GASK1A: variants seen among roughly 807,000 people sequenced by gnomAD.
GASK1A encodes the protein Golgi-associated kinase 1A.
In GASK1A, 40 loss-of-function variants were observed where a neutral mutation model predicts 41.2. The ratio of observed to expected loss-of-function variants is 0.97; its 90% CI spans 0.75 to 1.27. The LOEUF (loss-of-function observed/expected upper bound fraction) is 1.27. Ranked by LOEUF, GASK1A falls within the 50% of genes most tolerant of loss-of-function variation. GASK1A has a pLI of 0.00. For missense variants in GASK1A, 678 were observed against 745.1 expected (o/e 0.91, Z 1.05); for synonymous variants, 316 against 307.1 (o/e 1.03, Z -0.30).
At chr3:43,054,127 G>A in intron 3 of GASK1A, 1 of 268,320 alleles carries the variant, frequency 3.7e-6, no homozygotes. Context: ...GAAGCAATGT[G>A]CCGAGGCCAT....
chr3:43,054,699 A>G (rs1020075612), intron 3 of GASK1A, among the ~76,000 whole-genome samples: 7 of 152,232 alleles, frequency 4.6e-5, no homozygotes, highest in African/African-American at 1.4e-4. Context: ...GGGGACCAGA[A>G]GAGATGGCCT....
chr3:42,980,982 CAAATGTAGCAG>C (rs2089280284), intron 1 of GASK1A, among the ~76,000 whole-genome samples: 1 of 152,164 alleles, frequency 6.6e-6, no homozygotes, highest in African/African-American at 2.4e-5. Flanking sequence ...GCTTTAAAGG[CAAATGTAGCAG>C]AGGCTCTGTG....
chr3:43,024,030 C>T (rs927783957), intron 1 of GASK1A, among the ~76,000 whole-genome samples: 3 of 152,112 alleles, frequency 2.0e-5, no homozygotes, highest in Non-Finnish European at 4.4e-5. Context: ...GGGGACATAA[C>T]GTGGGTGTGT....
intron 1 of GASK1A, among the ~76,000 whole-genome samples, chr3:43,017,576 G>A (rs1439310877): frequency 6.7e-6 from 1 of 149,034 alleles, no homozygotes; most frequent in Non-Finnish European, 1.5e-5. Context: ...AAGGGGTAGT[G>A]GGAAATCACA....
intron 2 of GASK1A, among the ~76,000 whole-genome samples, chr3:43,049,565 C>T (rs994125055): frequency 3.9e-4 from 59 of 151,842 alleles, no homozygotes; most frequent in Non-Finnish European, 5.9e-5. Flanking sequence ...CTGGACCAAT[C>T]TTCTGGGCTT....
chr3:43,052,447 C>T (rs2089695685), intron 2 of GASK1A, among the ~76,000 whole-genome samples: 1 of 152,196 alleles, frequency 6.6e-6, no homozygotes, highest in Admixed American at 6.5e-5. Context: ...CAAGTCCTCC[C>T]TCACCCAGAC....
intron 2 of GASK1A, among the ~76,000 whole-genome samples, chr3:43,050,913 T>C (rs1431623932): frequency 6.6e-6 from 1 of 152,168 alleles, no homozygotes; most frequent in East Asian, 1.9e-4. Context: ...TGAGGTATCG[T>C]TCTCATACTT....
At position 42,984,424 on chromosome 3, in the gene GASK1A, G is replaced by T. The variant is rs1189377892; in HGVS notation, c.3+4779G>T. ...CACGCATGCACACATACTCTTGGGA[G>T]TGGCCTGGGATCTGGTCCTATTCCC... On this transcript the variant is annotated intron_variant, in intron 1 of 4. Coordinates refer to ENST00000430121, the MANE Select transcript of GASK1A (RefSeq NM_001129908.3). This position sits in a 1 kb window ranked among gnomAD's most constrained non-coding sequence, Gnocchi z 4.2. 6.6e-6 allele frequency among the ~76,000 whole-genome samples: 1 copy of T among 152,132 alleles called. No homozygotes were observed. The highest frequency in any genetic ancestry group is 1.5e-5 in the Non-Finnish European group (1 of 68,024).
intron 1 of GASK1A, among the ~76,000 whole-genome samples, chr3:43,005,757 G>A (rs114284359): frequency 6.6e-6 from 1 of 152,220 alleles, no homozygotes; most frequent in Non-Finnish European, 1.5e-5. Flanking sequence ...CTGTGAAATT[G>A]TCTTCTGAAG....
At chr3:43,042,808 C>T (rs1401603271) in intron 2 of GASK1A, among the ~76,000 whole-genome samples, 1 of 152,204 alleles carries the variant, frequency 6.6e-6, no homozygotes, top group African/African-American at 2.4e-5. Context: ...TATTCGCCGG[C>T]TTCCGAAGAT....
chr3:43,007,200 A>G (rs1269414156), intron 1 of GASK1A, among the ~76,000 whole-genome samples: 1 of 152,238 alleles, frequency 6.6e-6, no homozygotes, highest in Non-Finnish European at 1.5e-5. Context: ...AATTGCAAAT[A>G]TCTGAATTCC....
intron 4 of GASK1A, chr3:43,055,781 G>T: frequency 2.0e-6 from 1 of 512,402 alleles, no homozygotes. Flanking sequence ...GCTGGGGTGT[G>T]GGAAGGCTAG....
At chr3:43,055,889 C>A in intron 4 of GASK1A, 1 of 480,020 alleles carries the variant, frequency 2.1e-6, no homozygotes. Flanking sequence ...TTCTTTCTGG[C>A]CCTGCATTTG....
At chr3:42,980,008 GA>G (rs2089274601) in intron 1 of GASK1A, among the ~76,000 whole-genome samples, 1 of 152,160 alleles carries the variant, frequency 6.6e-6, no homozygotes, top group Non-Finnish European at 1.5e-5. Context: ...AGATGCTTTT[GA>G]AGTCATTTTA....
intron 1 of GASK1A, among the ~76,000 whole-genome samples, chr3:43,002,310 C>T (rs1286299382): frequency 1.3e-5 from 2 of 152,158 alleles, no homozygotes; most frequent in Non-Finnish European, 2.9e-5. Flanking sequence ...CAATTTCTTT[C>T]TTAAGGGATT....
At chr3:43,000,318 C>T (rs1176385293) in intron 1 of GASK1A, among the ~76,000 whole-genome samples, 2 of 152,246 alleles carry the variant, frequency 1.3e-5, no homozygotes, top group Admixed American at 1.3e-4. Context: ...CTGCTGTGTT[C>T]TACCACTTCC....
chr3:43,042,941 T>C (rs2089645132), intron 2 of GASK1A, among the ~76,000 whole-genome samples: 2 of 152,116 alleles, frequency 1.3e-5, no homozygotes, highest in South Asian at 4.1e-4. Flanking sequence ...GGTGAGTCCT[T>C]AGAGGAGAGT....
intron 1 of GASK1A, among the ~76,000 whole-genome samples, chr3:42,991,042 T>A (rs2125673852): frequency 6.6e-6 from 1 of 152,092 alleles, no homozygotes; most frequent in African/African-American, 2.4e-5. Flanking sequence ...CCTGTCTAGG[T>A]GGAAGCAGTG....
chr3:43,037,028 G>A, intron 2 of GASK1A: 1 of 469,644 alleles, frequency 2.1e-6, no homozygotes, highest in Admixed American at 3.4e-5. Context: ...TAACACATGA[G>A]GCAAGGGTGG....
Sources: allele counts gnomAD v4.1 joint callset (sites outside exome capture counted in the v4.1 genomes callset), GRCh38; gene constraint gnomAD v4.1.1; non-coding constraint Gnocchi (gnomAD v3.1); transcripts MANE v1.5; gene names NCBI Gene and HGNC (gene_info 2026-07-23, HGNC 2026-07-21).